Variants in CELF2 observed in about 807,000 individuals in gnomAD.
The protein encoded by CELF2 is CUGBP Elav-like family member 2.
A neutral mutation model predicts 62.6 loss-of-function variants in CELF2; 8 were observed. That is an observed-to-expected ratio of 0.13 (90% CI 0.07 to 0.23). The LOEUF (loss-of-function observed/expected upper bound fraction) is 0.23. CELF2 is among the 10% of genes least tolerant of loss of function. CELF2 has a pLI of 1.00. For missense variants in CELF2, 333 were observed against 671.0 expected (o/e 0.50, Z 5.56); for synonymous variants, 258 against 250.0 (o/e 1.03, Z -0.30).
intron 1 of CELF2, chr10:11,102,237 C>G (rs1044925960): frequency 2.6e-5 from 4 of 152,228 alleles, no homozygotes; most frequent in Non-Finnish European, 5.9e-5. Flanking sequence ...AGCCTTCCTT[C>G]CAGTCCATGG....
At chr10:10,731,216 T>C in the CELF2 span, among the ~76,000 whole-genome samples, 1 of 151,890 alleles carries the variant, frequency 6.6e-6, no homozygotes, top group Non-Finnish European at 1.5e-5. Context: ...TGGATTTATA[T>C]GTTAAGGAAG....
the CELF2 span, among the ~76,000 whole-genome samples, chr10:10,555,325 T>A: frequency 1.3e-5 from 2 of 151,638 alleles, no homozygotes; most frequent in Non-Finnish European, 2.9e-5. Flanking sequence ...TAAAATAATG[T>A]CCATCTAAAG....
chr10:11,323,061 GC>G (rs1455776055), intron 11 of CELF2, among the ~76,000 whole-genome samples: 4 of 152,046 alleles, frequency 2.6e-5, no homozygotes, highest in African/African-American at 9.7e-5. Context: ...TGAAGTCTGG[GC>G]CCTGAAACAA....
intron 1 of CELF2, among the ~76,000 whole-genome samples, chr10:10,899,553 T>C (rs1039729566): frequency 6.6e-6 from 1 of 152,194 alleles, no homozygotes; most frequent in Non-Finnish European, 1.5e-5. Context: ...ATGGTTTTTT[T>C]CCCCCAACCT....
At chr10:11,183,167 T>G (rs560473064) in intron 2 of CELF2, among the ~76,000 whole-genome samples, 1 of 152,178 alleles carries the variant, frequency 6.6e-6, no homozygotes, top group South Asian at 2.1e-4. Flanking sequence ...CTGACCTACT[T>G]TCTGTTGTAT....
the CELF2 span, among the ~76,000 whole-genome samples, chr10:10,580,434 C>T: frequency 6.6e-6 from 1 of 152,096 alleles, no homozygotes; most frequent in African/African-American, 2.4e-5. Flanking sequence ...TATAAGAAAT[C>T]CTTTTTTTAC....
intron 8 of CELF2, among the ~76,000 whole-genome samples, chr10:11,283,611 G>A (rs1367905844): frequency 6.7e-6 from 1 of 150,186 alleles, no homozygotes; most frequent in Admixed American, 6.6e-5. Context: ...GATGGGGGCT[G>A]AATGATGGAT....
chr10:11,134,555 G>A (rs2060124241), intron 1 of CELF2, among the ~76,000 whole-genome samples: 1 of 152,210 alleles, frequency 6.6e-6, no homozygotes, highest in South Asian at 2.1e-4. Flanking sequence ...GGTGCCCATA[G>A]GTGACTCTGT....
At chr10:10,880,550 G>T (rs147977701) in intron 1 of CELF2, among the ~76,000 whole-genome samples, 77 of 152,262 alleles carry the variant, frequency 5.1e-4, no homozygotes, top group Admixed American at 8.5e-4. Context: ...GAGATTTGGG[G>T]TGTTACGGAT....
At chr10:11,152,611 A>G (rs2063545672) in intron 1 of CELF2, among the ~76,000 whole-genome samples, 1 of 152,256 alleles carries the variant, frequency 6.6e-6, no homozygotes, top group South Asian at 2.1e-4. Context: ...TGAACAAAAC[A>G]TAAAAATCTG....
the CELF2 span, among the ~76,000 whole-genome samples, chr10:10,679,361 C>T: frequency 3.3e-5 from 5 of 152,272 alleles, no homozygotes; most frequent in African/African-American, 1.2e-4. Context: ...GTGATCTCGG[C>T]TCACTGCAAC....
intron 1 of CELF2, among the ~76,000 whole-genome samples, chr10:10,875,881 G>A (rs563797898): frequency 9.2e-5 from 14 of 152,146 alleles, no homozygotes; most frequent in East Asian, 7.7e-4. Flanking sequence ...CTGCCTTTTC[G>A]CTTAACTATG....
At chr10:11,043,113 A>G (rs2062131317) in intron 1 of CELF2, among the ~76,000 whole-genome samples, 1 of 152,186 alleles carries the variant, frequency 6.6e-6, no homozygotes, top group Admixed American at 6.5e-5. Flanking sequence ...GCACCATTTT[A>G]CCTTCCCACC....
At chr10:11,221,913 C>T (rs778985763) in intron 3 of CELF2, among the ~76,000 whole-genome samples, 4 of 152,174 alleles carry the variant, frequency 2.6e-5, no homozygotes, top group African/African-American at 7.2e-5. Flanking sequence ...GCAAGGTGAG[C>T]GAGGACTGCC....
the CELF2 span, among the ~76,000 whole-genome samples, chr10:10,693,602 G>C: frequency 6.4e-3 from 959 of 150,606 alleles, 9 homozygotes; most frequent in African/African-American, 0.022. Flanking sequence ...GTTCCTCCTT[G>C]TACCTCTGGT....
At chr10:10,536,925 G>T in the CELF2 span, among the ~76,000 whole-genome samples, 11 of 152,318 alleles carry the variant, frequency 7.2e-5, no homozygotes, top group East Asian at 1.5e-3. Context: ...TGAGGAGGGG[G>T]CTCCACTGGC....
At position 11,068,788 on chromosome 10, in the gene CELF2, CTGA is replaced by C. The variant is rs991239369; in HGVS notation, c.74+50626_74+50628del. Among the ~76,000 whole-genome samples the C allele has an allele frequency of 8.1e-4, 124 of 152,286 alleles. 1 individual carries two copies. Among genetic ancestry groups the C allele is most frequent in the Middle Eastern group, 3.4e-3 (1 of 294 alleles). ...TGTTAGCCAAGATGGTCTCGATCTC[CTGA>C]CCTCGTGATCCACCCGCCTCAGCTT... On this transcript the variant is annotated intron_variant, in intron 1 of 12. Coordinates refer to ENST00000633077, the MANE Select transcript of CELF2 (RefSeq NM_001326342.2).
intron 1 of CELF2, among the ~76,000 whole-genome samples, chr10:11,040,917 T>C (rs1260859226): frequency 6.6e-6 from 1 of 152,264 alleles, no homozygotes; most frequent in Non-Finnish European, 1.5e-5. Flanking sequence ...GGCCAGCTGC[T>C]GTTCTATGGC....
chr10:10,724,665 A>AAG, the CELF2 span, among the ~76,000 whole-genome samples: 8 of 149,670 alleles, frequency 5.3e-5, no homozygotes, highest in African/African-American at 2.0e-4. Flanking sequence ...CAAAAAAAAA[A>AAG]AAAAAGAAAA....
Sources: allele counts gnomAD v4.1 joint callset (sites outside exome capture counted in the v4.1 genomes callset), GRCh38; gene constraint gnomAD v4.1.1; transcripts MANE v1.5; gene names NCBI Gene and HGNC (gene_info 2026-07-23, HGNC 2026-07-21).